HOMEZ: variants seen among roughly 807,000 people sequenced by gnomAD.
The protein encoded by HOMEZ is homeobox and leucine zipper encoding, also known as homeobox and leucine zipper protein Homez.
Under a neutral mutation model 50.1 loss-of-function variants are expected in HOMEZ, and 20 were observed. That is an observed-to-expected ratio of 0.40 (90% CI 0.28 to 0.58). HOMEZ has a LOEUF of 0.58. HOMEZ is among the 20% of genes least tolerant of loss of function. The pLI, the probability that HOMEZ is intolerant of heterozygous loss-of-function variation, is 0.46. For missense variants in HOMEZ, 579 were observed against 680.5 expected (o/e 0.85, Z 1.66); for synonymous variants, 239 against 254.7 (o/e 0.94, Z 0.59).
chr14:23,273,332 C>CT lies in HOMEZ; in HGVS notation c.*2242dup, dbSNP rs1333426968. On this transcript the variant is annotated 3_prime_UTR_variant, in exon 2 of 2. Transcript: ENST00000357460. ...TATCTCTGTTCTTTTCCTTATTATA[C>CT]TTTTTTATTTGTCTATTATTTCCTC... 2 of 152,942 alleles carry CT rather than the reference C, an allele frequency of 1.3e-5. No individual in the cohort carries two copies. Among genetic ancestry groups the CT allele is most frequent in the Non-Finnish European group, 2.9e-5 (2 of 68,628 alleles). 9.5% of individuals were successfully genotyped at this position (152,942 alleles called of 1,614,324 possible). A position where few individuals can be genotyped will look rare whatever the true frequency, so the allele number is the denominator to read the frequency against.
At chr14:23,278,953 G>C (rs554824928) in intron 1 of HOMEZ, among the ~76,000 whole-genome samples, 37 of 152,094 alleles carry the variant, frequency 2.4e-4, no homozygotes, top group Non-Finnish European at 4.0e-4. Flanking sequence ...TGGGATTACA[G>C]GCGTGAGCCA....
chr14:23,286,042 G>A lies in HOMEZ; in HGVS notation c.-90C>T, dbSNP rs1886657251. 2 of 1,232,012 alleles carry A rather than the reference G, an allele frequency of 1.6e-6. No homozygotes were observed. Among genetic ancestry groups the A allele is most frequent in the African/African-American group, 1.6e-5 (1 of 64,392 alleles). 76.3% of individuals were successfully genotyped at this position (1,232,012 alleles called of 1,614,324 possible). On this transcript the variant is annotated 5_prime_UTR_variant, in exon 1 of 2. Transcript: ENST00000357460. ...GCGGCCGCTCCGAGCCCACCCCAGC[G>A]ATGGCCGAAACCGGGACTGCCCCCC... is the stretch of plus-strand genomic sequence containing the variant.
In HOMEZ at chr14:23,275,592, C is replaced by T. The variant is rs1886325308; in HGVS notation, c.1636G>A (p.Val546Met). 1.9e-6 allele frequency: 1 copy of T among 515,588 alleles called. No individual in the cohort carries two copies. The highest frequency in any genetic ancestry group is 2.6e-6 in the Non-Finnish European group (1 of 389,098). 31.9% of individuals were successfully genotyped at this position (515,588 alleles called of 1,614,324 possible). A position where few individuals can be genotyped will look rare whatever the true frequency, so the allele number is the denominator to read the frequency against. ...EEDDDDDDDD[V>M]IIQD is the part of the protein sequence containing the mutation. ...CTCCCCACTCAGTCTTGTATGATCA[C>T]ATCATCATCATCATCATCATCATCT... is the stretch of plus-strand genomic sequence containing the variant. Residue 546 changes from valine to methionine, a missense_variant, in exon 2 of 2, where the codon GTG (valine) becomes ATG (methionine). Val to Met is a conservative substitution (Grantham distance 21, BLOSUM62 1). Coordinates refer to ENST00000357460, the MANE Select transcript of HOMEZ (RefSeq NM_020834.3).
At chr14:23,277,869 G>A (rs183419906) in intron 1 of HOMEZ, among the ~76,000 whole-genome samples, 111 of 151,554 alleles carry the variant, frequency 7.3e-4, no homozygotes, top group East Asian at 4.9e-3. Flanking sequence ...TCACTCTCTC[G>A]CCCAGGCTGG....
In HOMEZ at chr14:23,276,731, C is replaced by T. The variant is rs1236173697; in HGVS notation, c.497G>A (p.Gly166Glu). 6.2e-7 allele frequency: 1 copy of T among 1,614,012 alleles called. No homozygotes were observed. The highest frequency in any genetic ancestry group is 8.5e-7 in the Non-Finnish European group (1 of 1,179,898). Reference protein sequence around the residue: ...PVPAPEQVGIGIGPPTLSKPT... With the variant: ...PVPAPEQVGIEIGPPTLSKPT... ...CTTGCTAAGAGTTGGAGGACCTATT[C>T]CAATACCAACTTGCTCTGGAGCTGG... is the stretch of plus-strand genomic sequence containing the variant. The change falls in exon 2 of 2, where the codon GGA becomes GAA. Residue 166 changes from glycine to glutamate, a missense_variant. By Grantham distance (98) the Gly-to-Glu change is moderately conservative. Coordinates refer to ENST00000357460, the MANE Select transcript of HOMEZ (RefSeq NM_020834.3). The surrounding 1 kb of genome is among the most constrained non-coding windows in gnomAD (Gnocchi z 4.1).
In HOMEZ at chr14:23,280,106, G is replaced by A. The variant is rs554372861; in HGVS notation, c.41-2919C>T. Among the ~76,000 whole-genome samples the A allele has an allele frequency of 9.9e-5, 15 of 152,030 alleles. 1 individual carries two copies. The highest frequency in any genetic ancestry group is 2.1e-4 in the South Asian group (1 of 4,782). On this transcript the variant is annotated intron_variant, in intron 1 of 1. Transcript: ENST00000357460. ...TGGTGGTGGAGTGTTGGGGGAAGGC[G>A]ACTGACAGTACCTTTAAGCCCTAAG...
At position 23,285,980 on chromosome 14, in the gene HOMEZ, A is replaced by AG; in HGVS notation, c.-29dup. On this transcript the variant is annotated 5_prime_UTR_variant, in exon 1 of 2. Transcript: ENST00000357460. ...GCCGGGGGGAAGTGGGGGAGAGGGCAGGGGGCCTCCGAGTGGGAGTGGGGT... is the reference window on the plus strand; with the variant it reads ...GCCGGGGGGAAGTGGGGGAGAGGGCAGGGGGGCCTCCGAGTGGGAGTGGGGT... 8.2e-7 allele frequency: 1 copy of AG among 1,224,258 alleles called. No homozygotes were observed. Among genetic ancestry groups the AG allele is most frequent in the Non-Finnish European group, 1.0e-6 (1 of 974,014 alleles). 75.8% of individuals were successfully genotyped at this position (1,224,258 alleles called of 1,614,324 possible). A position where few individuals can be genotyped will look rare whatever the true frequency, so the allele number is the denominator to read the frequency against.
At position 23,273,052 on chromosome 14, in the gene HOMEZ, C is replaced by T. The variant is rs1387355371; in HGVS notation, c.*2523G>A. The T allele has an allele frequency of 1.3e-5, 6 of 464,048 alleles. No homozygotes were observed. Among genetic ancestry groups the T allele is most frequent in the Middle Eastern group, 4.2e-4 (1 of 2,402 alleles). The allele number at this position is 464,048 out of a possible 1,614,324, so 28.7% of individuals were successfully genotyped here. ...ATCTTTACCCTATTCACCCTTATCA[C>T]CTCCCAGGACAGTGGTCAGGTCTTA... On this transcript the variant is annotated 3_prime_UTR_variant, in exon 2 of 2. Transcript: ENST00000357460.
At chr14:23,281,287 G>A (rs1007981062) in intron 1 of HOMEZ, among the ~76,000 whole-genome samples, 2 of 152,086 alleles carry the variant, frequency 1.3e-5, no homozygotes, top group Non-Finnish European at 2.9e-5. Flanking sequence ...CTGAGGCCAC[G>A]CAGACCCTGA....
rs371262061 is a variant in HOMEZ at position 23,275,596 on chromosome 14, AT to A, written c.1631del (p.Asp544ValfsTer3). 1 of 1,427,226 alleles carries A rather than the reference AT, an allele frequency of 7.0e-7. No individual in the cohort carries two copies. Among genetic ancestry groups the A allele is most frequent in the Non-Finnish European group, 9.3e-7 (1 of 1,071,488 alleles). 88.4% of individuals were successfully genotyped at this position (1,427,226 alleles called of 1,614,324 possible). The stretch of plus-strand genomic sequence containing the variant: ...CCACTCAGTCTTGTATGATCACATC[AT>A]CATCATCATCATCATCATCTTCCTC... ...EEEEDDDDDDDDVIIQD is the reference protein window; with the variant it reads ...EEEEDDDDDDXDVIIQD On this transcript the variant is annotated frameshift_variant, in exon 2 of 2. Transcript: ENST00000357460. LOFTEE classifies it high-confidence loss of function.
chr14:23,285,970 G>A lies in HOMEZ; in HGVS notation c.-18C>T, dbSNP rs1886654842. The A allele has an allele frequency of 8.1e-7, 1 of 1,240,178 alleles. No homozygotes were observed. The highest frequency in any genetic ancestry group is 1.0e-6 in the Non-Finnish European group (1 of 985,696). 76.8% of individuals were successfully genotyped at this position (1,240,178 alleles called of 1,614,324 possible). A position where few individuals can be genotyped will look rare whatever the true frequency, so the allele number is the denominator to read the frequency against. ...CGCACCATGGGCCGGGGGGAAGTGG[G>A]GGAGAGGGCAGGGGGCCTCCGAGTG... On this transcript the variant is annotated 5_prime_UTR_variant, in exon 1 of 2. Coordinates refer to ENST00000357460, the MANE Select transcript of HOMEZ (RefSeq NM_020834.3).
rs202135938 is a variant in HOMEZ at position 23,275,889 on chromosome 14, C to T, written c.1339G>A (p.Glu447Lys). Residue 447 changes from glutamate (E) to lysine (K), a missense_variant, in exon 2 of 2, where the codon GAA (glutamate) becomes AAA (lysine). Transcript: ENST00000357460. ...GGCAGAGGTGGTGTCTCAGCCCTTT[C>T]GTTCAAGGAGCGGGTTGATGGTGGT... ...TPPPSTRSLN[E>K]RAETPPLPIP... 19 of 1,600,892 alleles carry T rather than the reference C, an allele frequency of 1.2e-5. No individual in the cohort carries two copies. The highest frequency in any genetic ancestry group is 1.7e-4 in the Middle Eastern group (1 of 5,992).
chr14:23,285,976 G>A lies in HOMEZ; in HGVS notation c.-24C>T. On this transcript the variant is annotated 5_prime_UTR_variant, in exon 1 of 2. Coordinates refer to ENST00000357460, the MANE Select transcript of HOMEZ (RefSeq NM_020834.3). ...ATGGGCCGGGGGGAAGTGGGGGAGA[G>A]GGCAGGGGGCCTCCGAGTGGGAGTG... 1 of 1,238,152 alleles carries A rather than the reference G, an allele frequency of 8.1e-7. No individual in the cohort carries two copies. Among genetic ancestry groups the A allele is most frequent in the Non-Finnish European group, 1.0e-6 (1 of 985,054 alleles). The allele number at this position is 1,238,152 out of a possible 1,614,324, so 76.7% of individuals were successfully genotyped here. A position where few individuals can be genotyped will look rare whatever the true frequency, so the allele number is the denominator to read the frequency against.
chr14:23,283,358 G>A (rs979391869), intron 1 of HOMEZ, among the ~76,000 whole-genome samples: 12 of 151,892 alleles, frequency 7.9e-5, no homozygotes, highest in South Asian at 2.1e-4. Flanking sequence ...GCAACATAGC[G>A]AGACCTCGCC....
Position 23,278,605 on chromosome 14 carries a change from C to T in HOMEZ, c.41-1418G>A, listed in dbSNP as rs561514046. Among the ~76,000 whole-genome samples the T allele has an allele frequency of 2.0e-5, 3 of 152,238 alleles. No individual in the cohort carries two copies. The South Asian group carries it at 6.2e-4, about 32-fold the overall frequency. Reference sequence around the variant, plus strand: ...TCTCAAACTCCTAGCCTCAAGTGATCCTCCCACCTCAGCCTCCCAAACTGC... The same window carrying T: ...TCTCAAACTCCTAGCCTCAAGTGATTCTCCCACCTCAGCCTCCCAAACTGC... On this transcript the variant is annotated intron_variant, in intron 1 of 1. Coordinates refer to ENST00000357460, the MANE Select transcript of HOMEZ (RefSeq NM_020834.3).
Position 23,280,708 on chromosome 14 carries a change from T to A in HOMEZ, c.41-3521A>T, listed in dbSNP as rs200200222. On this transcript the variant is annotated intron_variant, in intron 1 of 1. Transcript: ENST00000357460. ...TATTTTATTTTTATTTTTATATTTT[T>A]ATTTTTATTTTATTTTATTTTATTT... is the stretch of plus-strand genomic sequence containing the variant. Among the ~76,000 whole-genome samples, 10 of 75,974 alleles carry A rather than the reference T, an allele frequency of 1.3e-4. 1 individual carries two copies. The highest frequency in any genetic ancestry group is 2.4e-4 in the Non-Finnish European group (9 of 37,256). 49.8% of individuals were successfully genotyped at this position (75,974 alleles called of 152,430 possible). A position where few individuals can be genotyped will look rare whatever the true frequency, so the allele number is the denominator to read the frequency against.
chr14:23,283,578 T>C lies in HOMEZ; in HGVS notation c.40+2335A>G, dbSNP rs1287093933. 3.3e-5 allele frequency among the ~76,000 whole-genome samples: 5 copies of C among 152,006 alleles called. No homozygotes were observed. The East Asian group carries it at 9.8e-4, about 30-fold the overall frequency. On this transcript the variant is annotated intron_variant, in intron 1 of 1. Transcript: ENST00000357460. ...AACTTTAGGTTTGAACCTAGGCTTATCGTTAAAGTAGGAGACAGTTAAAGT... is the reference window on the plus strand; with the variant it reads ...AACTTTAGGTTTGAACCTAGGCTTACCGTTAAAGTAGGAGACAGTTAAAGT...
intron 1 of HOMEZ, among the ~76,000 whole-genome samples, chr14:23,278,670 A>ATTGT (rs10640227): frequency 0.097 from 14,601 of 150,490 alleles, 1,223 homozygotes; most frequent in African/African-American, 0.22. Context: ...GGCCCTCAGA[A>ATTGT]TTGTTTGTTT....
intron 1 of HOMEZ, among the ~76,000 whole-genome samples, chr14:23,282,971 C>A (rs537234908): frequency 6.6e-6 from 1 of 152,120 alleles, no homozygotes; most frequent in Non-Finnish European, 1.5e-5. Flanking sequence ...TAAGAGAAAA[C>A]CACAACCAGA....
Sources: allele counts gnomAD v4.1 joint callset (sites outside exome capture counted in the v4.1 genomes callset), GRCh38; gene constraint gnomAD v4.1.1; non-coding constraint Gnocchi (gnomAD v3.1); transcripts MANE v1.5; gene names NCBI Gene and HGNC (gene_info 2026-07-23, HGNC 2026-07-21).